NMNAT3: variants seen among roughly 807,000 people sequenced by gnomAD.
NMNAT3 encodes the protein nicotinamide nucleotide adenylyltransferase 3.
In NMNAT3, 21 loss-of-function variants were observed where a neutral mutation model predicts 24.8. That is an observed-to-expected ratio of 0.85 (90% CI 0.60 to 1.22). The LOEUF is 1.22. Among genes scored for constraint, NMNAT3 ranks in the 50% most tolerant of loss-of-function variants. The pLI is 0.00. For synonymous variants in NMNAT3, 136 were observed against 155.2 expected (o/e 0.88, Z 0.92); for missense variants, 387 against 436.6 (o/e 0.89, Z 1.01).
intron 3 of NMNAT3, among the ~76,000 whole-genome samples, chr3:139,625,042 G>T (rs1028881287): frequency 6.6e-6 from 1 of 152,150 alleles, no homozygotes; most frequent in Admixed American, 6.5e-5. Flanking sequence ...AGTGCAAAAA[G>T]CGTATTACTT....
At chr3:139,642,182 A>G (rs2056727960) in intron 1 of NMNAT3, among the ~76,000 whole-genome samples, 1 of 152,206 alleles carries the variant, frequency 6.6e-6, no homozygotes, top group Non-Finnish European at 1.5e-5. Flanking sequence ...AACCTTGTGC[A>G]GTATTACTTT....
intron 6 of NMNAT3, chr3:139,567,827 C>G (rs1937492603): frequency 6.6e-6 from 1 of 152,112 alleles, no homozygotes; most frequent in Admixed American, 6.5e-5. Context: ...CTCTGCCAGG[C>G]TTTGGTATCA....
chr3:139,590,468 T>G (rs896447417), intron 3 of NMNAT3, among the ~76,000 whole-genome samples: 1 of 152,100 alleles, frequency 6.6e-6, no homozygotes, highest in Non-Finnish European at 1.5e-5. Context: ...CAAGATATAT[T>G]ATCTAAATCT....
chr3:139,605,288 T>A (rs1038946175), intron 3 of NMNAT3, among the ~76,000 whole-genome samples: 3 of 152,214 alleles, frequency 2.0e-5, no homozygotes, highest in Non-Finnish European at 2.9e-5. Context: ...TATTGTTAAC[T>A]CTTTCAATAT....
intron 3 of NMNAT3, among the ~76,000 whole-genome samples, chr3:139,606,750 T>A (rs904737065): frequency 2.6e-5 from 4 of 152,232 alleles, no homozygotes; most frequent in African/African-American, 9.6e-5. Context: ...ACCTTTCTCC[T>A]GCATTTCTGT....
chr3:139,657,854 T>C (rs2057296246), intron 1 of NMNAT3, among the ~76,000 whole-genome samples: 1 of 150,996 alleles, frequency 6.6e-6, no homozygotes, highest in African/African-American at 2.4e-5. Context: ...GGTGGTGCTG[T>C]GGGAGTGTGT....
Position 139,595,824 on chromosome 3 carries a change from A to T in NMNAT3, c.110-12616T>A, listed in dbSNP as rs201943314. ...CAAATATCAATTCAAGATGGATTAA[A>T]GAGTTAAACGTTAGAGCTAAAACCA... On this transcript the variant is annotated intron_variant, in intron 3 of 6. Transcript: ENST00000643695. Among the ~76,000 whole-genome samples the T allele has an allele frequency of 2.6e-5, 4 of 152,368 alleles. No homozygotes were observed. In the East Asian group the frequency reaches 5.8e-4, roughly 22 times the overall value.
chr3:139,577,970 CA>C (rs961358682), intron 5 of NMNAT3: 5 of 152,154 alleles, frequency 3.3e-5, no homozygotes, highest in African/African-American at 1.2e-4. Context: ...ACATTATGAA[CA>C]GGCCTGTCAG....
At chr3:139,627,210 A>G (rs2056090438) in intron 3 of NMNAT3, among the ~76,000 whole-genome samples, 1 of 152,174 alleles carries the variant, frequency 6.6e-6, no homozygotes, top group African/African-American at 2.4e-5. Flanking sequence ...AAATGTCAAA[A>G]TGCCCATTAT....
At chr3:139,565,406 C>G (rs549391516) in intron 6 of NMNAT3, 2 of 152,246 alleles carry the variant, frequency 1.3e-5, no homozygotes, top group African/African-American at 2.4e-5. Flanking sequence ...TACATGTGCA[C>G]AACGTGCAGG....
At chr3:139,648,633 A>G (rs555879156) in intron 1 of NMNAT3, among the ~76,000 whole-genome samples, 12 of 152,340 alleles carry the variant, frequency 7.9e-5, no homozygotes, top group Non-Finnish European at 1.6e-4. Flanking sequence ...ACATATCTTC[A>G]AACAAATAGT....
chr3:139,589,890 A>G (rs572625198), intron 3 of NMNAT3, among the ~76,000 whole-genome samples: 1 of 152,302 alleles, frequency 6.6e-6, no homozygotes, highest in East Asian at 1.9e-4. Flanking sequence ...TTTCTCACAA[A>G]GATGCCAGAA....
chr3:139,646,534 A>T (rs915989936), intron 1 of NMNAT3, among the ~76,000 whole-genome samples: 26 of 151,546 alleles, frequency 1.7e-4, no homozygotes, highest in African/African-American at 6.3e-4. Context: ...TTGCCCACAG[A>T]CCTCTCTGCA....
chr3:139,657,416 C>T (rs936308247), intron 1 of NMNAT3, among the ~76,000 whole-genome samples: 2 of 152,186 alleles, frequency 1.3e-5, no homozygotes, highest in South Asian at 2.1e-4. Context: ...CAGGTTAGTG[C>T]GCAGGTGTCA....
At chr3:139,601,686 C>G (rs1190838439) in intron 3 of NMNAT3, among the ~76,000 whole-genome samples, 1 of 152,178 alleles carries the variant, frequency 6.6e-6, no homozygotes. Context: ...GAGCCCTGCT[C>G]TCACAGGATG....
intron 1 of NMNAT3, among the ~76,000 whole-genome samples, chr3:139,658,421 C>T (rs954631887): frequency 4.6e-5 from 7 of 152,130 alleles, no homozygotes; most frequent in Admixed American, 3.3e-4. Context: ...GAGGAGCCAT[C>T]CCCTATCAAG....
chr3:139,646,855 C>T (rs1390090225), intron 1 of NMNAT3, among the ~76,000 whole-genome samples: 2 of 152,206 alleles, frequency 1.3e-5, no homozygotes, highest in Admixed American at 6.5e-5. Flanking sequence ...AAGCAGGAGA[C>T]ATAATGTCAG....
chr3:139,604,294 G>T (rs1347562155), intron 3 of NMNAT3, among the ~76,000 whole-genome samples: 1 of 152,192 alleles, frequency 6.6e-6, no homozygotes, highest in Non-Finnish European at 1.5e-5. Flanking sequence ...TGTTCAGGTT[G>T]GTGGGAGGGG....
intron 3 of NMNAT3, among the ~76,000 whole-genome samples, chr3:139,616,119 TCAACAAAGCCATTCTCCTAGATATCAC>T (rs1272891626): frequency 2.0e-5 from 3 of 152,116 alleles, no homozygotes; most frequent in Non-Finnish European, 2.9e-5. Flanking sequence ...TACCACTGCT[TCAACAAAGCCATTCTCCTAGATATCAC>T]CAACAAAGCC....
Sources: gnomAD v4.1 joint callset for allele counts (sites outside exome capture counted in the v4.1 genomes callset) on GRCh38, gnomAD v4.1.1 for gene constraint, MANE v1.5 for transcripts, NCBI Gene and HGNC (gene_info 2026-07-23, HGNC 2026-07-21) for gene names.